Variants in CPED1 observed in about 807,000 individuals in gnomAD.
CPED1 encodes the protein cadherin-like and PC-esterase domain-containing protein 1.
CPED1 carries 114 observed loss-of-function variants against 128.2 expected under a neutral mutation model. The ratio of observed to expected loss-of-function variants is 0.89; its 90% CI spans 0.76 to 1.04. The LOEUF is 1.04. Ranked by LOEUF, CPED1 falls within the 50% of genes least tolerant of loss-of-function variation. The probability of loss-of-function intolerance (pLI) is 0.00; values close to 1 mark genes in which losing one functional copy is unlikely to be tolerated. For missense variants in CPED1, 1,211 were observed against 1,207.1 expected (o/e 1.00, Z -0.05); for synonymous variants, 462 against 426.7 (o/e 1.08, Z -1.02).
chr7:121,064,163 T>C, intron 4 of CPED1, 75 bp from the exon 5 acceptor site: 1 of 976,712 alleles, frequency 1.0e-6, no homozygotes, highest in South Asian at 1.3e-5. Context: ...ACTCTCTGGG[T>C]TTTTTGTGTT....
chr7:121,111,032 C>T (rs1795094664), intron 7 of CPED1, among the ~76,000 whole-genome samples: 1 of 151,966 alleles, frequency 6.6e-6, no homozygotes, highest in South Asian at 2.1e-4. Context: ...AATGGTGGTG[C>T]CATTGACTGA....
At chr7:121,130,027 C>T in intron 11 of CPED1, 98 bp from the exon 12 acceptor site, 1 of 1,030,852 alleles carries the variant, frequency 9.7e-7, no homozygotes, top group Non-Finnish European at 1.4e-6. Flanking sequence ...TAACAAATAT[C>T]TGACTTTTTA....
At chr7:121,280,694 A>T (rs957650049) in intron 22 of CPED1, among the ~76,000 whole-genome samples, 1 of 152,198 alleles carries the variant, frequency 6.6e-6, no homozygotes, top group African/African-American at 2.4e-5. Flanking sequence ...AAAGGGATGA[A>T]ATGAAAGAAT....
intron 5 of CPED1, among the ~76,000 whole-genome samples, chr7:121,090,144 G>T (rs1182970739): frequency 6.6e-6 from 1 of 152,164 alleles, no homozygotes; most frequent in East Asian, 1.9e-4. Flanking sequence ...CACTGAAAAA[G>T]ACTACAAAGA....
chr7:120,991,633 A>T (rs115316580), intron 2 of CPED1, among the ~76,000 whole-genome samples: 1 of 152,184 alleles, frequency 6.6e-6, no homozygotes, highest in African/African-American at 2.4e-5. Flanking sequence ...ATTTAGGCAT[A>T]TGTTAGCTGT....
chr7:121,127,874 A>AT (rs1795547363), intron 10 of CPED1, among the ~76,000 whole-genome samples: 1 of 151,746 alleles, frequency 6.6e-6, no homozygotes, highest in South Asian at 2.1e-4. Flanking sequence ...TTATTTTTTA[A>AT]TTTTTTCTTT....
rs769221141 is a variant in CPED1 at position 121,124,391 on chromosome 7, A to G, written c.979A>G (p.Met327Val). 1.2e-6 allele frequency: 2 copies of G among 1,609,056 alleles called. No homozygotes were observed. The highest frequency in any genetic ancestry group is 1.7e-6 in the Non-Finnish European group (2 of 1,176,874). Residue 327 changes from methionine to valine, a missense_variant, in exon 8 of 23, where the codon ATG becomes GTG. Physicochemically the swap from Met to Val is conservative, Grantham distance 21. Transcript: ENST00000310396. ...ASSPQQAFDI[M>V]KEAIGKLLLA... Reference sequence around the variant, plus strand: ...TTCACCTCAACAGGCTTTTGACATTATGAAGGAAGCAATTGGCAAACTACT... The same window carrying G: ...TTCACCTCAACAGGCTTTTGACATTGTGAAGGAAGCAATTGGCAAACTACT...
At chr7:121,060,599 C>G (rs1014985238) in intron 4 of CPED1, among the ~76,000 whole-genome samples, 3 of 152,148 alleles carry the variant, frequency 2.0e-5, no homozygotes, top group Non-Finnish European at 4.4e-5. Flanking sequence ...TGTGGACACT[C>G]TGTATCTAGC....
chr7:121,064,365 C>T, intron 5 of CPED1, 52 bp downstream of exon 5: 1 of 1,281,706 alleles, frequency 7.8e-7, no homozygotes, highest in South Asian at 1.2e-5. Flanking sequence ...ATGCAGGCTC[C>T]CTTAGCAGAA....
At chr7:121,032,566 G>T (rs1199707791) in intron 3 of CPED1, among the ~76,000 whole-genome samples, 1 of 151,350 alleles carries the variant, frequency 6.6e-6, no homozygotes, top group East Asian at 1.9e-4. Context: ...GTGGGGAAGG[G>T]GAGGGAGAGC....
chr7:121,100,070 A>G lies in CPED1; in HGVS notation c.894A>G (p.Pro298=). ...CGACGGGCACAGTTTGGAATCCACC[A>G]AAGAAAAAACGCTTCACTGTCAAGG... ...IHSTGTVWNP[P]KKKRFTVKLQ... The change falls in exon 7 of 23, where the codon CCA becomes CCG. Residue 298 remains proline, a synonymous_variant. Transcript: ENST00000310396. 1.2e-6 allele frequency: 2 copies of G among 1,613,640 alleles called. No individual in the cohort carries two copies. The highest frequency in any genetic ancestry group is 1.7e-6 in the Non-Finnish European group (2 of 1,179,746).
At chr7:121,137,432 C>CT (rs1002890998) in intron 14 of CPED1, among the ~76,000 whole-genome samples, 53 of 152,114 alleles carry the variant, frequency 3.5e-4, no homozygotes, top group African/African-American at 1.2e-3. Context: ...CTCAGCCTCT[C>CT]AAAGTACTGG....
intron 18 of CPED1, among the ~76,000 whole-genome samples, chr7:121,251,638 G>C (rs887754564): frequency 2.0e-5 from 3 of 152,176 alleles, no homozygotes; most frequent in African/African-American, 7.2e-5. Context: ...CAAAATCAAT[G>C]TGCAAAAATC....
intron 3 of CPED1, among the ~76,000 whole-genome samples, chr7:121,039,804 C>T (rs912664129): frequency 6.6e-6 from 1 of 152,042 alleles, no homozygotes; most frequent in African/African-American, 2.4e-5. Flanking sequence ...ATTTATTTCA[C>T]AAAAGTAAAC....
intron 22 of CPED1, among the ~76,000 whole-genome samples, chr7:121,288,087 T>C (rs1308914024): frequency 1.3e-5 from 2 of 152,208 alleles, no homozygotes; most frequent in African/African-American, 4.8e-5. Context: ...ACATTTTGCA[T>C]TCCTGAAATA....
intron 18 of CPED1, among the ~76,000 whole-genome samples, chr7:121,251,753 A>AC (rs751126891): frequency 0.29 from 41,464 of 142,964 alleles, 6,467 homozygotes; most frequent in Middle Eastern, 0.43. Context: ...AATCCAACTT[A>AC]AAGGGATGTG....
At chr7:121,293,627 C>T (rs1792759112) in intron 22 of CPED1, among the ~76,000 whole-genome samples, 1 of 152,172 alleles carries the variant, frequency 6.6e-6, no homozygotes, top group Non-Finnish European at 1.5e-5. Context: ...AACCCAGGGC[C>T]CTGGTGGCGT....
chr7:121,295,724 C>G lies in CPED1; in HGVS notation c.*72C>G. The G allele has an allele frequency of 8.0e-7, 1 of 1,247,556 alleles. No individual in the cohort carries two copies. The highest frequency in any genetic ancestry group is 1.2e-6 in the Non-Finnish European group (1 of 859,492). 77.3% of individuals were successfully genotyped at this position (1,247,556 alleles called of 1,614,324 possible). On this transcript the variant is annotated 3_prime_UTR_variant, in exon 23 of 23. Coordinates refer to ENST00000310396, the MANE Select transcript of CPED1 (RefSeq NM_024913.5). ...CCCGGACAATGGTCTAGGAGCCAAG[C>G]GCTGCACATCGCACACATTTGGGAT...
chr7:121,272,754 T>C (rs1443660975), intron 22 of CPED1, among the ~76,000 whole-genome samples: 1 of 152,104 alleles, frequency 6.6e-6, no homozygotes, highest in Non-Finnish European at 1.5e-5. Flanking sequence ...CAGTATATCA[T>C]ACCAGTTCTA....
Sources: gnomAD v4.1 joint callset for allele counts (sites outside exome capture counted in the v4.1 genomes callset) on GRCh38, gnomAD v4.1.1 for gene constraint, MANE v1.5 for transcripts, NCBI Gene and HGNC (gene_info 2026-07-23, HGNC 2026-07-21) for gene names.